Variants in TLN2 observed in about 807,000 individuals in gnomAD.
TLN2 encodes talin 2.
Under a neutral mutation model 294.7 loss-of-function variants are expected in TLN2, and 118 were observed. The observed-to-expected ratio is 0.40, with a 90% CI of 0.34 to 0.47. The LOEUF (loss-of-function observed/expected upper bound fraction) is 0.47. Ranked by LOEUF, TLN2 falls within the 20% of genes least tolerant of loss-of-function variation. The pLI is 0.84. For synonymous variants in TLN2, 1,431 were observed against 1,304.5 expected (o/e 1.10, Z -2.09); for missense variants, 3,083 against 3,282.2 (o/e 0.94, Z 1.48).
chr15:62,593,881 C>T (rs933543972), intron 2 of TLN2, among the ~76,000 whole-genome samples: 5 of 152,152 alleles, frequency 3.3e-5, no homozygotes, highest in African/African-American at 9.7e-5. Context: ...GCCTGATAAA[C>T]GTTGAGGAAA....
At chr15:62,449,668 G>A (rs891620941) in intron 1 of TLN2, among the ~76,000 whole-genome samples, 7 of 152,102 alleles carry the variant, frequency 4.6e-5, no homozygotes, top group African/African-American at 1.7e-4. Context: ...CCAGCGACTT[G>A]GGAGGCTGAA....
chr15:62,811,946 A>C (rs2066714146), intron 52 of TLN2, among the ~76,000 whole-genome samples: 2 of 151,950 alleles, frequency 1.3e-5, no homozygotes, highest in African/African-American at 4.8e-5. Flanking sequence ...CAGGAGGTGG[A>C]GGTTGCAGTG....
intron 3 of TLN2, chr15:62,645,177 G>T (rs2051684077): frequency 6.5e-6 from 1 of 153,850 alleles, no homozygotes; most frequent in South Asian, 2.0e-4. Flanking sequence ...GGAGTTGCTG[G>T]GTTAACTAGG....
intron 2 of TLN2, among the ~76,000 whole-genome samples, chr15:62,590,794 G>T (rs187921426): frequency 1.4e-3 from 214 of 152,212 alleles, no homozygotes; most frequent in Non-Finnish European, 2.2e-3. Flanking sequence ...GCTCTTACTC[G>T]GTAGCTGTAT....
chr15:62,814,293 A>G (rs2066912392), intron 52 of TLN2, among the ~76,000 whole-genome samples: 1 of 152,268 alleles, frequency 6.6e-6, no homozygotes, highest in Non-Finnish European at 1.5e-5. Flanking sequence ...TTTGGGCTTT[A>G]TGGTTGATTC....
intron 28 of TLN2, among the ~76,000 whole-genome samples, chr15:62,735,286 C>T (rs1188487468): frequency 6.6e-6 from 1 of 152,218 alleles, no homozygotes; most frequent in Admixed American, 6.5e-5. Context: ...TCATCCTCTT[C>T]TTGGGTGTGC....
Position 62,606,935 on chromosome 15 carries a change from G to A in TLN2, c.-161-11416G>A, listed in dbSNP as rs115814365. On this transcript the variant is annotated intron_variant, in intron 2 of 58. Coordinates refer to ENST00000636159, the MANE Select transcript of TLN2 (RefSeq NM_015059.3). ...AAGTGCTCCACGGTGGGCCACTGTT[G>A]TTGTGTGGTCCCTATCACCACCTCC... 2.0e-5 allele frequency among the ~76,000 whole-genome samples: 3 copies of A among 152,110 alleles called. No homozygotes were observed. The South Asian group carries it at 6.2e-4, about 32-fold the overall frequency.
At chr15:62,400,291 C>T (rs1022564487) in intron 1 of TLN2, among the ~76,000 whole-genome samples, 1 of 152,200 alleles carries the variant, frequency 6.6e-6, no homozygotes, top group Non-Finnish European at 1.5e-5. Flanking sequence ...ATTACCCAGT[C>T]TTGGATATGT....
intron 9 of TLN2, among the ~76,000 whole-genome samples, chr15:62,669,193 A>T (rs565005117): frequency 9.2e-5 from 14 of 152,336 alleles, no homozygotes; most frequent in African/African-American, 2.6e-4. Context: ...TACATTTTAC[A>T]ACTATTACCC....
In TLN2 at chr15:62,449,250, A is replaced by G. The variant is rs552939764; in HGVS notation, c.-238+58565A>G. ...TATGGGGAGGGGTGTCTGGGGCTAT[A>G]ATTCCTCCATGCGTAGGTCTTGAAA... On this transcript the variant is annotated intron_variant, in intron 1 of 58. Transcript: ENST00000636159. Among the ~76,000 whole-genome samples the G allele has an allele frequency of 2.6e-5, 4 of 152,174 alleles. No homozygotes were observed. In the East Asian group the frequency reaches 7.7e-4, roughly 29 times the overall value.
chr15:62,572,904 G>A (rs2044018204), intron 1 of TLN2, among the ~76,000 whole-genome samples: 1 of 152,146 alleles, frequency 6.6e-6, no homozygotes, highest in African/African-American at 2.4e-5. Context: ...TTGCCCCCAT[G>A]GCTCCTCCCA....
chr15:62,646,555 C>T (rs2051871384), intron 3 of TLN2, among the ~76,000 whole-genome samples: 1 of 152,188 alleles, frequency 6.6e-6, no homozygotes, highest in Non-Finnish European at 1.5e-5. Flanking sequence ...GCATTTTATT[C>T]CCTTTGAGAC....
chr15:62,583,081 T>C (rs1293664006), intron 1 of TLN2, among the ~76,000 whole-genome samples: 1 of 152,198 alleles, frequency 6.6e-6, no homozygotes, highest in Non-Finnish European at 1.5e-5. Context: ...TATAATGGAG[T>C]TTAGCAAAAA....
At chr15:62,546,874 A>G (rs2042022936) in intron 1 of TLN2, among the ~76,000 whole-genome samples, 1 of 152,224 alleles carries the variant, frequency 6.6e-6, no homozygotes, top group Non-Finnish European at 1.5e-5. Flanking sequence ...TGCAGAGGCC[A>G]TGAGGAGGCA....
chr15:62,693,308 G>T (rs1410481961), intron 13 of TLN2, among the ~76,000 whole-genome samples: 1 of 152,140 alleles, frequency 6.6e-6, no homozygotes, highest in Non-Finnish European at 1.5e-5. Flanking sequence ...CTGCAGCCTG[G>T]GTGACAGAGC....
chr15:62,755,734 C>G, intron 37 of TLN2, 41 bp downstream of exon 37: 1 of 1,608,350 alleles, frequency 6.2e-7, no homozygotes, highest in Non-Finnish European at 8.5e-7. Context: ...CTCTGTAACT[C>G]CTGTTCTGGC....
intron 1 of TLN2, among the ~76,000 whole-genome samples, chr15:62,587,138 T>G (rs2140719457): frequency 6.6e-6 from 1 of 152,258 alleles, no homozygotes; most frequent in Middle Eastern, 3.4e-3. Flanking sequence ...TGGCAGCTGA[T>G]TTGAGGAAGG....
intron 6 of TLN2, among the ~76,000 whole-genome samples, chr15:62,652,859 T>C (rs769554734): frequency 3.9e-5 from 6 of 152,052 alleles, no homozygotes; most frequent in Non-Finnish European, 8.8e-5. Flanking sequence ...CCTGTGAAAA[T>C]GTAGGAAGGT....
chr15:62,567,887 CT>C (rs1319818342), intron 1 of TLN2, among the ~76,000 whole-genome samples: 1 of 151,970 alleles, frequency 6.6e-6, no homozygotes, highest in Non-Finnish European at 1.5e-5. Flanking sequence ...AATGTGTAGG[CT>C]TGTGGCACAT....
Sources: allele counts gnomAD v4.1 joint callset (sites outside exome capture counted in the v4.1 genomes callset), GRCh38; gene constraint gnomAD v4.1.1; transcripts MANE v1.5; gene names NCBI Gene and HGNC (gene_info 2026-07-23, HGNC 2026-07-21).